Variants in SPMAP2L observed in about 807,000 individuals in gnomAD.
The protein encoded by SPMAP2L is sperm microtubule associated protein 2 like.
the SPMAP2L span, chr4:56,531,084 C>T: frequency 1.3e-6 from 2 of 1,535,446 alleles, no homozygotes; most frequent in African/African-American, 1.4e-5. Flanking sequence ...CCAAGGAAAC[C>T]GAGTTGCTTC....
chr4:56,587,332 C>T, the SPMAP2L span, among the ~76,000 whole-genome samples: 1 of 151,636 alleles, frequency 6.6e-6, no homozygotes, highest in African/African-American at 2.4e-5. Context: ...TGTGATTTTT[C>T]CATAAGTTAT....
chr4:56,598,639 G>C, the SPMAP2L span, among the ~76,000 whole-genome samples: 8 of 151,862 alleles, frequency 5.3e-5, no homozygotes, highest in African/African-American at 1.9e-4. Context: ...GTCCTGAGAG[G>C]GAAGGACCTG....
the SPMAP2L span, among the ~76,000 whole-genome samples, chr4:56,618,404 A>C: frequency 6.6e-6 from 1 of 152,246 alleles, no homozygotes; most frequent in Non-Finnish European, 1.5e-5. Flanking sequence ...GCTGCTAATG[A>C]AGACATACCC....
At chr4:56,566,845 C>T in the SPMAP2L span, among the ~76,000 whole-genome samples, 6 of 151,612 alleles carry the variant, frequency 4.0e-5, no homozygotes, top group South Asian at 2.1e-4. Flanking sequence ...TACAGGCATG[C>T]GCAACCACGT....
chr4:56,599,981 G>T, the SPMAP2L span, among the ~76,000 whole-genome samples: 1 of 151,982 alleles, frequency 6.6e-6, no homozygotes, highest in South Asian at 2.1e-4. Flanking sequence ...CATTCAGAAA[G>T]GTGATTATTA....
chr4:56,575,273 A>G, the SPMAP2L span, among the ~76,000 whole-genome samples: 1 of 151,960 alleles, frequency 6.6e-6, no homozygotes, highest in East Asian at 1.9e-4. Context: ...AAAAAAGAAG[A>G]TGTCATTTAT....
chr4:56,551,399 A>T, the SPMAP2L span, among the ~76,000 whole-genome samples: 1 of 152,102 alleles, frequency 6.6e-6, no homozygotes, highest in Non-Finnish European at 1.5e-5. Context: ...GATCTGTAAG[A>T]TGGTGCATCA....
chr4:56,558,479 G>A, the SPMAP2L span, among the ~76,000 whole-genome samples: 1 of 152,164 alleles, frequency 6.6e-6, no homozygotes, highest in Non-Finnish European at 1.5e-5. Flanking sequence ...ATATTTACTT[G>A]TGGCCAAAAT....
the SPMAP2L span, among the ~76,000 whole-genome samples, chr4:56,602,854 T>G: frequency 3.9e-5 from 6 of 152,232 alleles, no homozygotes; most frequent in Non-Finnish European, 8.8e-5. Context: ...GAGAATACTC[T>G]GGCTTGTTTT....
chr4:56,594,989 C>G, the SPMAP2L span: 91 of 1,606,814 alleles, frequency 5.7e-5, no homozygotes, highest in East Asian at 2.0e-3. Flanking sequence ...TACCTTGCCC[C>G]GTTTTTGCCC....
the SPMAP2L span, among the ~76,000 whole-genome samples, chr4:56,586,377 G>A: frequency 6.6e-6 from 1 of 152,174 alleles, no homozygotes; most frequent in East Asian, 1.9e-4. Context: ...TTCTCAGAGA[G>A]AAAGATCTCT....
chr4:56,577,977 C>G, the SPMAP2L span, among the ~76,000 whole-genome samples: 7 of 151,620 alleles, frequency 4.6e-5, no homozygotes, highest in Admixed American at 4.6e-4. Flanking sequence ...GACTGTGTCC[C>G]AAAAAGGCAA....
chr4:56,570,737 A>C, the SPMAP2L span, among the ~76,000 whole-genome samples: 1 of 151,592 alleles, frequency 6.6e-6, no homozygotes, highest in Middle Eastern at 3.4e-3. Flanking sequence ...TTTATGAAAA[A>C]GTTTTTCTTT....
chr4:56,595,379 C>T, the SPMAP2L span: 1 of 1,603,590 alleles, frequency 6.2e-7, no homozygotes, highest in Non-Finnish European at 8.5e-7. Flanking sequence ...GTTGAGCCCA[C>T]TGAGTCGGAG....
At chr4:56,595,709 G>A in the SPMAP2L span, 1 of 1,037,670 alleles carries the variant, frequency 9.6e-7, no homozygotes, top group Non-Finnish European at 1.5e-6. Flanking sequence ...AACAAAAGAG[G>A]GCCTCTTCTT....
At chr4:56,601,954 G>A in the SPMAP2L span, among the ~76,000 whole-genome samples, 1 of 152,218 alleles carries the variant, frequency 6.6e-6, no homozygotes. Flanking sequence ...TAGTATCTCA[G>A]AAGGGTATAC....
chr4:56,559,303 CAAAAAAA>C, the SPMAP2L span: 39 of 663,016 alleles, frequency 5.9e-5, no homozygotes, highest in East Asian at 1.7e-4. Context: ...AAGACTGTCT[CAAAAAAA>C]AAAAAAAAAA....
chr4:56,552,991 G>C, the SPMAP2L span, among the ~76,000 whole-genome samples: 1 of 152,010 alleles, frequency 6.6e-6, no homozygotes, highest in Non-Finnish European at 1.5e-5. Context: ...TCCAAGTCCA[G>C]CTTTGCTGCC....
the SPMAP2L span, among the ~76,000 whole-genome samples, chr4:56,539,653 C>G: frequency 6.2e-4 from 95 of 152,244 alleles, no homozygotes; most frequent in South Asian, 8.3e-4. Flanking sequence ...AACTCCTGAC[C>G]TCAAGTGATC....
Sources: allele counts gnomAD v4.1 joint callset (sites outside exome capture counted in the v4.1 genomes callset), GRCh38; gene constraint gnomAD v4.1.1; transcripts MANE v1.5; gene names NCBI Gene and HGNC (gene_info 2026-07-23, HGNC 2026-07-21).